The following TRABD2B variants were observed in gnomAD, a reference collection of about 807,000 sequenced individuals.
The protein encoded by TRABD2B is metalloprotease TIKI2.
A neutral mutation model predicts 40.1 loss-of-function variants in TRABD2B; 14 were observed. The ratio of observed to expected loss-of-function variants is 0.35; its 90% CI spans 0.23 to 0.55. The LOEUF is 0.55. TRABD2B is among the 20% of genes least tolerant of loss of function. TRABD2B has a pLI of 0.90. For missense variants in TRABD2B, 541 were observed against 648.6 expected (o/e 0.83, Z 1.80); for synonymous variants, 263 against 277.0 (o/e 0.95, Z 0.50).
chr1:47,863,394 A>ATATATAT (rs1396681662), intron 2 of TRABD2B, among the ~76,000 whole-genome samples: 15 of 130,674 alleles, frequency 1.1e-4, no homozygotes, highest in East Asian at 2.4e-4. Flanking sequence ...ATATATATAT[A>ATATATAT]ATCTCTTAAA....
At chr1:47,932,430 G>A (rs371068544) in intron 2 of TRABD2B, among the ~76,000 whole-genome samples, 9 of 152,198 alleles carry the variant, frequency 5.9e-5, no homozygotes, top group East Asian at 1.9e-4. Context: ...GAGGACAGAC[G>A]TCCGTGGAGG....
At chr1:47,766,537 C>T (rs1644305671) in intron 6 of TRABD2B, among the ~76,000 whole-genome samples, 1 of 152,232 alleles carries the variant, frequency 6.6e-6, no homozygotes, top group Non-Finnish European at 1.5e-5. Context: ...AGACAAGCAA[C>T]CCCACCGCGT....
At chr1:47,793,329 T>C (rs987657314) in intron 4 of TRABD2B, among the ~76,000 whole-genome samples, 1 of 152,246 alleles carries the variant, frequency 6.6e-6, no homozygotes, top group African/African-American at 2.4e-5. Context: ...TTAAAGGTGC[T>C]GTCCCAGGAG....
At chr1:47,956,069 G>A (rs1645417100) in intron 2 of TRABD2B, among the ~76,000 whole-genome samples, 1 of 152,210 alleles carries the variant, frequency 6.6e-6, no homozygotes, top group Admixed American at 6.5e-5. Context: ...AAGAGTATGT[G>A]GGGGTGGGAG....
intron 5 of TRABD2B, among the ~76,000 whole-genome samples, chr1:47,776,996 G>C (rs1386564984): frequency 1.3e-5 from 2 of 152,068 alleles, no homozygotes; most frequent in Non-Finnish European, 2.9e-5. Context: ...GCCCCCCTCC[G>C]CCCTGCCAAC....
chr1:47,802,209 T>TCTGTGGGCATCAGGATCA (rs374619396), intron 2 of TRABD2B, among the ~76,000 whole-genome samples: 1 of 152,184 alleles, frequency 6.6e-6, no homozygotes, highest in Admixed American at 6.5e-5. Context: ...CCCAGCCAGA[T>TCTGTGGGCATCAGGATCA]CTGTGGGCAT....
At chr1:47,876,611 G>C (rs1644228599) in intron 2 of TRABD2B, among the ~76,000 whole-genome samples, 1 of 152,206 alleles carries the variant, frequency 6.6e-6, no homozygotes, top group African/African-American at 2.4e-5. Context: ...TCATGGAGAA[G>C]GAAGCCATAG....
intron 2 of TRABD2B, among the ~76,000 whole-genome samples, chr1:47,864,249 T>C (rs1481739146): frequency 6.6e-6 from 1 of 151,990 alleles, no homozygotes; most frequent in Non-Finnish European, 1.5e-5. Context: ...CACTAATCTT[T>C]GGACTTTGGG....
chr1:47,892,699 G>A (rs1382655839), intron 2 of TRABD2B, among the ~76,000 whole-genome samples: 1 of 152,206 alleles, frequency 6.6e-6, no homozygotes, highest in Non-Finnish European at 1.5e-5. Flanking sequence ...CTGATGGGTT[G>A]AGAAAGATAA....
intron 2 of TRABD2B, among the ~76,000 whole-genome samples, chr1:47,915,069 A>C (rs1280231523): frequency 1.3e-5 from 2 of 152,234 alleles, no homozygotes; most frequent in Admixed American, 1.3e-4. Flanking sequence ...AAGCATAAGG[A>C]GGGTCTTGCT....
chr1:47,796,017 C>T lies in TRABD2B; in HGVS notation c.814-1257G>A, dbSNP rs565026558. ...TTTGTCATTCCTGGCCCCCAACAGC[C>T]GGCACAAAGAAGGTACCCAGATTCC... On this transcript the variant is annotated intron_variant, in intron 3 of 6. Coordinates refer to ENST00000606738, the MANE Select transcript of TRABD2B (RefSeq NM_001194986.2). Among the ~76,000 whole-genome samples, 10 of 152,242 alleles carry T rather than the reference C, an allele frequency of 6.6e-5. No individual in the cohort carries two copies. In the East Asian group the frequency reaches 1.2e-3, roughly 18 times the overall value.
chr1:47,807,838 G>A (rs1163226239), intron 2 of TRABD2B, among the ~76,000 whole-genome samples: 1 of 152,152 alleles, frequency 6.6e-6, no homozygotes, highest in African/African-American at 2.4e-5. Context: ...GAGCATTTTT[G>A]GTGTATGCAG....
At chr1:47,951,707 G>A (rs754739550) in intron 2 of TRABD2B, among the ~76,000 whole-genome samples, 26 of 152,170 alleles carry the variant, frequency 1.7e-4, no homozygotes, top group Non-Finnish European at 3.4e-4. Context: ...GTCCCTAGTA[G>A]CCCGGTGTCC....
In TRABD2B at chr1:47,870,882, C is replaced by T. The variant is rs1644131064; in HGVS notation, c.667-69263G>A. Among the ~76,000 whole-genome samples, 3 of 152,038 alleles carry T rather than the reference C, an allele frequency of 2.0e-5. No individual in the cohort carries two copies. The South Asian group carries it at 6.2e-4, about 31-fold the overall frequency. On this transcript the variant is annotated intron_variant, in intron 2 of 6. Transcript: ENST00000606738. ...AATGGGATTGTCTAGGCAGATCAGA[C>T]CAGGAAGGGCATTTAGGCAGGGAGA...
At chr1:47,844,065 G>A (rs944107621) in intron 2 of TRABD2B, among the ~76,000 whole-genome samples, 1 of 152,208 alleles carries the variant, frequency 6.6e-6, no homozygotes, top group Non-Finnish European at 1.5e-5. Flanking sequence ...TCGGAAGCAG[G>A]TAATTTCAGC....
In TRABD2B at chr1:47,809,630, T is replaced by A. The variant is rs541194900; in HGVS notation, c.667-8011A>T. 4.3e-4 allele frequency among the ~76,000 whole-genome samples: 65 copies of A among 152,332 alleles called. 1 individual carries two copies. Among genetic ancestry groups the A allele is most frequent in the African/African-American group, 1.6e-3 (65 of 41,582 alleles). On this transcript the variant is annotated intron_variant, in intron 2 of 6. Coordinates refer to ENST00000606738, the MANE Select transcript of TRABD2B (RefSeq NM_001194986.2). ...GCTCTGGCTGAGATTTATTTATTTATTCTCCTTGCCCCATCGGCAGCACCA... is the reference window on the plus strand; with the variant it reads ...GCTCTGGCTGAGATTTATTTATTTAATCTCCTTGCCCCATCGGCAGCACCA...
chr1:47,895,204 C>G (rs1218940860), intron 2 of TRABD2B, among the ~76,000 whole-genome samples: 1 of 152,180 alleles, frequency 6.6e-6, no homozygotes, highest in Non-Finnish European at 1.5e-5. Context: ...ACACTGGACA[C>G]AGAGGATGAG....
At chr1:47,967,903 A>G (rs1645626125) in intron 2 of TRABD2B, among the ~76,000 whole-genome samples, 1 of 152,256 alleles carries the variant, frequency 6.6e-6, no homozygotes, top group South Asian at 2.1e-4. Context: ...TAACGGTTAT[A>G]ACTTTTTATC....
At chr1:47,832,949 C>T (rs1422565751) in intron 2 of TRABD2B, among the ~76,000 whole-genome samples, 1 of 152,134 alleles carries the variant, frequency 6.6e-6, no homozygotes, top group Non-Finnish European at 1.5e-5. Context: ...GTCATAGGCT[C>T]CTAGTCTCAG....
Sources: allele counts gnomAD v4.1 joint callset (sites outside exome capture counted in the v4.1 genomes callset), GRCh38; gene constraint gnomAD v4.1.1; transcripts MANE v1.5; gene names NCBI Gene and HGNC (gene_info 2026-07-23, HGNC 2026-07-21).